SETMAR: variants seen among roughly 807,000 people sequenced by gnomAD.
SETMAR encodes the protein histone-lysine N-methyltransferase SETMAR.
SETMAR carries 44 observed loss-of-function variants against 58.4 expected under a neutral mutation model. The observed-to-expected ratio is 0.75, with a 90% CI of 0.59 to 0.97. The LOEUF (loss-of-function observed/expected upper bound fraction) is 0.97. SETMAR is among the 50% of genes least tolerant of loss of function. The pLI, the probability that SETMAR is intolerant of heterozygous loss-of-function variation, is 0.00. For missense variants in SETMAR, 903 were observed against 840.2 expected (o/e 1.07, Z -0.92); for synonymous variants, 332 against 307.4 (o/e 1.08, Z -0.84).
rs1371176410 is a variant in SETMAR at position 4,303,591 on chromosome 3, C to A, written c.156+65C>A. 3.6e-6 allele frequency: 5 copies of A among 1,375,784 alleles called. No individual in the cohort carries two copies. In the South Asian group the frequency reaches 8.6e-5, roughly 24 times the overall value. The allele number at this position is 1,375,784 out of a possible 1,614,324, so 85.2% of individuals were successfully genotyped here. ...GCTCCCCCACGTGGTCTCCTCAAGC[C>A]GCCTCGCTGGGACGGCCTCCCAGTC... On this transcript the variant is annotated intron_variant, in intron 1 of 2. Transcript: ENST00000358065.
Position 4,312,987 on chromosome 3 carries a change from C to T in SETMAR, c.246C>T (p.Cys82=). The T allele has an allele frequency of 1.2e-6, 2 of 1,613,990 alleles. No homozygotes were observed. The highest frequency in any genetic ancestry group is 8.5e-7 in the Non-Finnish European group (1 of 1,179,954). ...GATGCATTTGTGTCAAAACTCCCTGCCTCCCTGGCACTTGCTCCTGTCTCC... is the reference window on the plus strand; with the variant it reads ...GATGCATTTGTGTCAAAACTCCCTGTCTCCCTGGCACTTGCTCCTGTCTCC... ...FPGCICVKTP[C]LPGTCSCLRH... is the part of the protein sequence containing the mutation. The change falls in exon 2 of 3, where the codon TGC becomes TGT. Residue 82 remains cysteine, a synonymous_variant. Transcript: ENST00000358065.
intron 1 of SETMAR, among the ~76,000 whole-genome samples, chr3:4,304,332 G>C (rs966463210): frequency 2.0e-5 from 3 of 152,146 alleles, no homozygotes. Context: ...AGTAGAGACA[G>C]GGTTTCTCCA....
At chr3:4,309,753 T>G (rs1381106057) in intron 1 of SETMAR, among the ~76,000 whole-genome samples, 1 of 152,208 alleles carries the variant, frequency 6.6e-6, no homozygotes, top group Non-Finnish European at 1.5e-5. Context: ...AGAGAATGCT[T>G]CTTCCCTAAT....
chr3:4,303,807 G>A (rs1339130283), intron 1 of SETMAR: 1 of 1,396,240 alleles, frequency 7.2e-7, no homozygotes, highest in Non-Finnish European at 9.5e-7. Flanking sequence ...CCTGTCCTCA[G>A]AACTCAAGGA....
chr3:4,304,948 A>T (rs1559212198), intron 1 of SETMAR, among the ~76,000 whole-genome samples: 1 of 151,696 alleles, frequency 6.6e-6, no homozygotes, highest in Non-Finnish European at 1.5e-5. Context: ...GGTTTGGTTC[A>T]GAAGGCGGGG....
chr3:4,303,425 G>C lies in SETMAR; in HGVS notation c.55G>C (p.Glu19Gln), dbSNP rs993427764. 1 of 1,554,852 alleles carries C rather than the reference G, an allele frequency of 6.4e-7. No individual in the cohort carries two copies. Among genetic ancestry groups the C allele is most frequent in the Admixed American group, 2.0e-5 (1 of 50,006 alleles). The change falls in exon 1 of 3, where the codon GAG becomes CAG. Residue 19 changes from glutamate to glutamine, a missense_variant. Glu to Gln is a conservative substitution (Grantham distance 29). Transcript: ENST00000358065. Reference protein sequence around the residue: ...TRPCGMAEFKEKPEAPTEQLD... With the variant: ...TRPCGMAEFKQKPEAPTEQLD... ...GCCTTGTGGGATGGCGGAGTTTAAG[G>C]AGAAGCCTGAGGCCCCGACTGAGCA...
In SETMAR at chr3:4,313,003, T is replaced by A. The variant is rs1301448039; in HGVS notation, c.262T>A (p.Ser88Thr). The A allele has an allele frequency of 1.2e-6, 2 of 1,613,918 alleles. No individual in the cohort carries two copies. The highest frequency in any genetic ancestry group is 2.7e-5 in the African/African-American group (2 of 74,908). ...VKTPCLPGTC[S>T]CLRHGENYDD... Reference sequence around the variant, plus strand: ...AACTCCCTGCCTCCCTGGCACTTGCTCCTGTCTCCGCCATGGAGAGAACTA... The same window carrying A: ...AACTCCCTGCCTCCCTGGCACTTGCACCTGTCTCCGCCATGGAGAGAACTA... The change falls in exon 2 of 3, where the codon TCC (serine) becomes ACC (threonine). Residue 88 changes from serine to threonine, a missense_variant. Transcript: ENST00000358065.
rs1199852328 is a variant in SETMAR, at chr3:4,313,355, T to A, written c.614T>A (p.Val205Glu). ...AIREHVYNGQ[V>E]METFVDPTYI... is the part of the protein sequence containing the mutation. ...AGGGAACATGTTTATAATGGGCAGG[T>A]AATGGAAACATTTGTTGACCCTACT... Residue 205 changes from valine to glutamate, a missense_variant, in exon 2 of 3, where the codon GTA becomes GAA. Transcript: ENST00000358065. 1.2e-6 allele frequency: 2 copies of A among 1,614,020 alleles called. No individual in the cohort carries two copies. The highest frequency in any genetic ancestry group is 4.5e-5 in the East Asian group (2 of 44,882).
chr3:4,317,177 T>C lies in SETMAR; in HGVS notation c.1986T>C (p.Ala662=). 6.5e-7 allele frequency: 1 copy of C among 1,550,244 alleles called. No homozygotes were observed. The highest frequency in any genetic ancestry group is 8.7e-7 in the Non-Finnish European group (1 of 1,146,424). Residue 662 remains alanine (A), a synonymous_variant, in exon 3 of 3, where the codon GCT becomes GCC. Transcript: ENST00000358065. Reference sequence around the variant, plus strand: ...AATCCCAAAGCACGGATTTTTACGCTACAGGAATAAACCAACTTATTTCTC... The same window carrying C: ...AATCCCAAAGCACGGATTTTTACGCCACAGGAATAAACCAACTTATTTCTC... ...FVESQSTDFY[A]TGINQLISRW...
Position 4,303,513 on chromosome 3 carries a change from C to G in SETMAR, c.143C>G (p.Pro48Arg), listed in dbSNP as rs1158157954. 4.2e-6 allele frequency: 6 copies of G among 1,435,666 alleles called. No homozygotes were observed. Among genetic ancestry groups the G allele is most frequent in the Non-Finnish European group, 4.5e-6 (5 of 1,099,724 alleles). 88.9% of individuals were successfully genotyped at this position (1,435,666 alleles called of 1,614,324 possible). Residue 48 changes from proline (P) to arginine (R), a missense_variant, in exon 1 of 3, where the codon CCG becomes CGG. Physicochemically the swap from Pro to Arg is moderately radical, Grantham distance 103. Coordinates refer to ENST00000358065, the MANE Select transcript of SETMAR (RefSeq NM_006515.4). ...PVGAWPPGAAPAPFQYTPDHV... is the reference protein window; with the variant it reads ...PVGAWPPGAARAPFQYTPDHV... ...GGCGCGTGGCCCCCGGGGGCCGCGCCGGCGCCCTTCCAGGTAGGGGCGGGG... is the reference window on the plus strand; with the variant it reads ...GGCGCGTGGCCCCCGGGGGCCGCGCGGGCGCCCTTCCAGGTAGGGGCGGGG...
intron 1 of SETMAR, among the ~76,000 whole-genome samples, chr3:4,306,244 G>T (rs536436976): frequency 1.3e-5 from 2 of 151,972 alleles, no homozygotes; most frequent in Non-Finnish European, 2.9e-5. Context: ...CTATGTGCCC[G>T]ACGTATTTTT....
intron 1 of SETMAR, among the ~76,000 whole-genome samples, chr3:4,311,927 C>T (rs188323035): frequency 1.2e-3 from 176 of 152,262 alleles, no homozygotes; most frequent in South Asian, 2.3e-3. Context: ...ATATGCTTCA[C>T]GATGCTAATG....
intron 1 of SETMAR, among the ~76,000 whole-genome samples, chr3:4,309,052 A>G (rs11925407): frequency 0.012 from 1,876 of 152,318 alleles, 20 homozygotes; most frequent in African/African-American, 0.038. Flanking sequence ...AGTTGGAAGC[A>G]GAGGCTTCCA....
In SETMAR at chr3:4,316,494, G is replaced by T. The variant is rs1268324674; in HGVS notation, c.1303G>T (p.Glu435Ter). Residue 435 changes from glutamate (E) to a stop codon, truncating the protein, a stop_gained, in exon 3 of 3, where the codon GAA (glutamate) becomes TAA (stop). Transcript: ENST00000358065. LOFTEE classifies it high-confidence loss of function. The part of the protein sequence containing the change: ...PLTTTREVAE[E>*]LNVNHSTVVR... Reference sequence around the variant, plus strand: ...TACAACTACACGAGAAGTTGCTGAAGAACTCAATGTCAACCATTCTACGGT... The same window carrying T: ...TACAACTACACGAGAAGTTGCTGAATAACTCAATGTCAACCATTCTACGGT... 2.5e-6 allele frequency: 4 copies of T among 1,600,754 alleles called. 1 individual carries two copies. The African/African-American group carries it at 4.0e-5, about 16-fold the overall frequency.
intron 1 of SETMAR, among the ~76,000 whole-genome samples, chr3:4,304,664 G>A (rs1477254486): frequency 1.3e-5 from 2 of 152,172 alleles, no homozygotes; most frequent in Non-Finnish European, 2.9e-5. Flanking sequence ...TATCAACAAT[G>A]AACCCTATCT....
chr3:4,308,830 A>T (rs181950810), intron 1 of SETMAR, among the ~76,000 whole-genome samples: 1 of 151,252 alleles, frequency 6.6e-6, no homozygotes, highest in East Asian at 1.9e-4. Flanking sequence ...TGACTTGTCT[A>T]TGAAAAGAGT....
chr3:4,313,178 C>A lies in SETMAR; in HGVS notation c.437C>A (p.Thr146Lys), dbSNP rs746079872. The change falls in exon 2 of 3, where the codon ACG becomes AAG. Residue 146 changes from threonine (T) to lysine (K), a missense_variant. Thr to Lys is a moderately conservative substitution (Grantham distance 78). Transcript: ENST00000358065. ...CAGTTCCACTTCCAAGTGTTCAAGA[C>A]GCATAAAAAAGGCTGGGGACTTCGT... ...GLQFHFQVFK[T>K]HKKGWGLRTL... 16 of 1,613,802 alleles carry A rather than the reference C, an allele frequency of 9.9e-6. No individual in the cohort carries two copies. The East Asian group carries it at 2.0e-4, about 20-fold the overall frequency.
chr3:4,310,502 G>A (rs1284024972), intron 1 of SETMAR, among the ~76,000 whole-genome samples: 2 of 152,016 alleles, frequency 1.3e-5, no homozygotes, highest in African/African-American at 2.4e-5. Flanking sequence ...TATCCATCAC[G>A]GGGAAAAAAT....
At position 4,316,571 on chromosome 3, in the gene SETMAR, G is replaced by A. The variant is rs1211661266; in HGVS notation, c.1380G>A (p.Val460=). The A allele has an allele frequency of 6.4e-7, 1 of 1,552,948 alleles. No homozygotes were observed. The highest frequency in any genetic ancestry group is 1.4e-5 in the African/African-American group (1 of 73,216). ...IGKVKKLDKW[V]PHELTENQKN... is the part of the protein sequence containing the mutation. ...AGGTGAAAAAGCTCGATAAGTGGGT[G>A]CCTCATGAGCTGACTGAAAATCAAA... is the stretch of plus-strand genomic sequence containing the variant. The change falls in exon 3 of 3, where the codon GTG becomes GTA. Residue 460 remains valine, a synonymous_variant. Transcript: ENST00000358065.
Sources: allele counts gnomAD v4.1 joint callset (sites outside exome capture counted in the v4.1 genomes callset), GRCh38; gene constraint gnomAD v4.1.1; transcripts MANE v1.5; gene names NCBI Gene and HGNC (gene_info 2026-07-23, HGNC 2026-07-21).